The following RUFY3 variants were observed in gnomAD, a reference collection of about 807,000 sequenced individuals.
RUFY3 encodes the protein RUN and FYVE domain containing 3.
A neutral mutation model predicts 84.0 loss-of-function variants in RUFY3; 34 were observed. The ratio of observed to expected loss-of-function variants is 0.40; its 90% CI spans 0.31 to 0.54. RUFY3 has a LOEUF of 0.54. Ranked by LOEUF, RUFY3 falls within the 20% of genes least tolerant of loss-of-function variation. The pLI is 0.39. For synonymous variants in RUFY3, 242 were observed against 252.9 expected (o/e 0.96, Z 0.41); for missense variants, 507 against 736.8 (o/e 0.69, Z 3.61).
intron 1 of RUFY3, among the ~76,000 whole-genome samples, chr4:70,755,550 A>G (rs981616361): frequency 6.6e-6 from 1 of 152,224 alleles, no homozygotes; most frequent in Non-Finnish European, 1.5e-5. Context: ...CACTTTTATC[A>G]TCACTATTAA....
chr4:70,705,878 C>T (rs1211514284), intron 1 of RUFY3, among the ~76,000 whole-genome samples: 1 of 152,172 alleles, frequency 6.6e-6, no homozygotes, highest in Non-Finnish European at 1.5e-5. Context: ...ATGACAGATC[C>T]GTCCCCCGGA....
intron 1 of RUFY3, among the ~76,000 whole-genome samples, chr4:70,753,828 G>T (rs28464420): frequency 6.6e-6 from 1 of 151,818 alleles, no homozygotes; most frequent in African/African-American, 2.4e-5. Context: ...TGGTTTCCAA[G>T]GGAAAAAACT....
At chr4:70,713,819 T>A (rs1410300501) in intron 1 of RUFY3, among the ~76,000 whole-genome samples, 2 of 152,144 alleles carry the variant, frequency 1.3e-5, no homozygotes, top group Admixed American at 1.3e-4. Context: ...CCCATCTCTC[T>A]TCCTTCCTCA....
At chr4:70,749,398 A>T (rs893388228) in intron 1 of RUFY3, among the ~76,000 whole-genome samples, 9 of 151,432 alleles carry the variant, frequency 5.9e-5, no homozygotes, top group East Asian at 1.9e-4. Flanking sequence ...AAGCTAATAT[A>T]TTTTTTTTTA....
intron 1 of RUFY3, among the ~76,000 whole-genome samples, chr4:70,740,546 A>G (rs1721168599): frequency 6.6e-6 from 1 of 152,206 alleles, no homozygotes. Context: ...ACAATACAAT[A>G]AAGAACAAAA....
At chr4:70,728,081 G>T (rs1158189033) in intron 1 of RUFY3, among the ~76,000 whole-genome samples, 1 of 152,060 alleles carries the variant, frequency 6.6e-6, no homozygotes, top group Non-Finnish European at 1.5e-5. Flanking sequence ...AATTAAGATG[G>T]GGTTATGTCC....
chr4:70,728,032 G>T (rs1040558524), intron 1 of RUFY3, among the ~76,000 whole-genome samples: 13 of 152,084 alleles, frequency 8.5e-5, no homozygotes, highest in Non-Finnish European at 1.5e-4. Context: ...ATGAAATCCT[G>T]ACTCATTTGT....
chr4:70,765,724 G>A (rs1255915931), intron 4 of RUFY3, among the ~76,000 whole-genome samples: 1 of 151,512 alleles, frequency 6.6e-6, no homozygotes, highest in Non-Finnish European at 1.5e-5. Flanking sequence ...TCATTCACTT[G>A]CTGTTTTTGT....
Position 70,755,951 on chromosome 4 carries a change from G to GA in RUFY3, c.179-6555dup, listed in dbSNP as rs112202020. On this transcript the variant is annotated intron_variant, in intron 1 of 17. Transcript: ENST00000381006. ...GGGTGACAGAGCGAGATTCTGTCTCGAAAAAAAAAAAAAGGAAAAAAAGAA... is the reference window on the plus strand; with the variant it reads ...GGGTGACAGAGCGAGATTCTGTCTCGAAAAAAAAAAAAAAGGAAAAAAAGAA... Among the ~76,000 whole-genome samples, 893 of 124,824 alleles carry GA rather than the reference G, an allele frequency of 7.2e-3. 14 individuals are homozygous for GA. The highest frequency in any genetic ancestry group is 0.023 in the African/African-American group (757 of 33,226). The allele number at this position is 124,824 out of a possible 152,430, so 81.9% of individuals were successfully genotyped here.
At chr4:70,742,364 A>G (rs1454999110) in intron 1 of RUFY3, among the ~76,000 whole-genome samples, 1 of 152,170 alleles carries the variant, frequency 6.6e-6, no homozygotes, top group Non-Finnish European at 1.5e-5. Flanking sequence ...ATCATTTTAC[A>G]TGTTCCCGCT....
chr4:70,776,655 A>G (rs1352850674), intron 7 of RUFY3, among the ~76,000 whole-genome samples: 1 of 152,226 alleles, frequency 6.6e-6, no homozygotes, highest in Non-Finnish European at 1.5e-5. Context: ...AGGCGCCTGT[A>G]GTCCCAGCTG....
At chr4:70,710,059 G>A (rs151122495) in intron 1 of RUFY3, among the ~76,000 whole-genome samples, 59 of 152,336 alleles carry the variant, frequency 3.9e-4, no homozygotes, top group African/African-American at 1.4e-3. Flanking sequence ...CCCGGATAGT[G>A]CAGAGAATGA....
chr4:70,723,206 TTA>T (rs1717666119), intron 1 of RUFY3, among the ~76,000 whole-genome samples: 1 of 152,194 alleles, frequency 6.6e-6, no homozygotes, highest in Non-Finnish European at 1.5e-5. Context: ...ATCCTCACCA[TTA>T]TATGAGGATA....
At chr4:70,704,898 G>C (rs957972764) in exon 1 of RUFY3, 7 of 1,189,624 alleles carry the variant, frequency 5.9e-6, no homozygotes, top group Non-Finnish European at 7.3e-6. Context: ...GCCCAGGCCC[G>C]GGCGCGAATC....
chr4:70,777,183 A>G (rs1275756445), intron 7 of RUFY3, among the ~76,000 whole-genome samples: 1 of 152,224 alleles, frequency 6.6e-6, no homozygotes, highest in African/African-American at 2.4e-5. Context: ...TTATTGTACT[A>G]TTCTTACCTA....
chr4:70,721,365 C>A (rs1396602992), upstream of RUFY3, among the ~76,000 whole-genome samples: 2 of 149,938 alleles, frequency 1.3e-5, no homozygotes, highest in Non-Finnish European at 3.0e-5. Flanking sequence ...ACAACAAAAT[C>A]AAAAAGGGGG....
chr4:70,734,518 A>G (rs1719964513), intron 1 of RUFY3: 2 of 985,314 alleles, frequency 2.0e-6, no homozygotes, highest in Admixed American at 6.1e-5. Flanking sequence ...AGCCTATGGG[A>G]CAAAGTTTTC....
rs1051438895 is a variant in RUFY3, at chr4:70,735,960, C to T, written c.178+13209C>T. 2.6e-5 allele frequency among the ~76,000 whole-genome samples: 4 copies of T among 151,776 alleles called. No homozygotes were observed. In the East Asian group the frequency reaches 7.7e-4, roughly 29 times the overall value. On this transcript the variant is annotated intron_variant, in intron 1 of 17. Transcript: ENST00000381006. ...ATGAGATCACATCACTGCACTCCAG[C>T]CTGGGCAACAAGAGCAAAACTTCAT...
intron 4 of RUFY3, among the ~76,000 whole-genome samples, chr4:70,766,156 A>G (rs1431622011): frequency 6.6e-6 from 1 of 152,176 alleles, no homozygotes; most frequent in Non-Finnish European, 1.5e-5. Flanking sequence ...CCCCCAGGTA[A>G]CTTGTTGAAA....
Sources: gnomAD v4.1 joint callset for allele counts (sites outside exome capture counted in the v4.1 genomes callset) on GRCh38, gnomAD v4.1.1 for gene constraint, MANE v1.5 for transcripts, NCBI Gene and HGNC (gene_info 2026-07-23, HGNC 2026-07-21) for gene names.